Variants in CHST15 observed in about 807,000 individuals in gnomAD.
CHST15 encodes carbohydrate sulfotransferase 15, also known as B cell RAG associated protein (GALNAC4S-6ST).
A neutral mutation model predicts 53.6 loss-of-function variants in CHST15; 30 were observed. The ratio of observed to expected loss-of-function variants is 0.56; its 90% CI spans 0.42 to 0.76. The LOEUF (loss-of-function observed/expected upper bound fraction) is 0.76, where lower values mean the gene tolerates loss of function less well. CHST15 is among the 30% of genes least tolerant of loss of function. The probability of loss-of-function intolerance (pLI) is 0.00; values close to 1 mark genes in which losing one functional copy is unlikely to be tolerated. For missense variants in CHST15, 627 were observed against 740.5 expected, an observed-to-expected ratio of 0.85 and a Z score of 1.78; for synonymous variants, 296 against 289.8, an observed-to-expected ratio of 1.02 and a Z score of -0.22.
intron 5 of CHST15, among the ~76,000 whole-genome samples, chr10:124,027,155 G>T (rs1022195091): frequency 2.0e-5 from 3 of 152,214 alleles, no homozygotes; most frequent in African/African-American, 7.2e-5. Context: ...CTGTGCTGCG[G>T]TTATTTTAGA....
At position 124,019,767 on chromosome 10, in the gene CHST15, C is replaced by G. The variant is rs1162082924; in HGVS notation, c.1347+1489G>C. ...CTTAAAACCCTCTGAGGGGTCCCATCTCTCTCAGGGTGATGTCTAGACTTC... is the reference window on the plus strand; with the variant it reads ...CTTAAAACCCTCTGAGGGGTCCCATGTCTCTCAGGGTGATGTCTAGACTTC... On this transcript the variant is annotated intron_variant, in intron 6 of 7. Transcript: ENST00000435907. The surrounding 1 kb of genome is among the most constrained non-coding windows in gnomAD (Gnocchi z 4.6). The G allele has an allele frequency of 1.0e-6, 1 of 985,096 alleles. No homozygotes were observed. The highest frequency in any genetic ancestry group is 1.2e-6 in the Non-Finnish European group (1 of 829,690). The allele number at this position is 985,096 out of a possible 1,614,324, so 61.0% of individuals were successfully genotyped here. A position where few individuals can be genotyped will look rare whatever the true frequency, so the allele number is the denominator to read the frequency against.
chr10:124,038,724 G>A, intron 4 of CHST15, 53 bp from the exon 5 acceptor site: 1 of 1,593,830 alleles, frequency 6.3e-7, no homozygotes, highest in Non-Finnish European at 8.6e-7. Context: ...GGCTCCCACG[G>A]AGTGGCTCTA....
chr10:124,052,790 C>T (rs933117262), intron 1 of CHST15, among the ~76,000 whole-genome samples: 2 of 152,184 alleles, frequency 1.3e-5, no homozygotes, highest in African/African-American at 4.8e-5. Context: ...AATCCTAGCA[C>T]TTTGGGAGTC....
chr10:124,046,257 GGGC>G lies in CHST15; in HGVS notation c.-48_-46del, dbSNP rs762287409. The G allele has an allele frequency of 6.5e-7, 1 of 1,531,064 alleles. No homozygotes were observed. The highest frequency in any genetic ancestry group is 8.8e-7 in the Non-Finnish European group (1 of 1,138,414). The allele number at this position is 1,531,064 out of a possible 1,614,324, so 94.8% of individuals were successfully genotyped here. A position where few individuals can be genotyped will look rare whatever the true frequency, so the allele number is the denominator to read the frequency against. ...GCTGCTGGCTTACCGAGCCATGGGTGGGCCCCCCACGAGTCTGGATGTCCGCAA... is the reference window on the plus strand; with the variant it reads ...GCTGCTGGCTTACCGAGCCATGGGTGCCCCCACGAGTCTGGATGTCCGCAA... On this transcript the variant is annotated 5_prime_UTR_variant, in exon 2 of 8. Coordinates refer to ENST00000435907, the MANE Select transcript of CHST15 (RefSeq NM_001270764.2).
chr10:124,056,972 G>C (rs894423012), intron 1 of CHST15, among the ~76,000 whole-genome samples: 3 of 151,552 alleles, frequency 2.0e-5, no homozygotes, highest in African/African-American at 7.3e-5. Flanking sequence ...GACACACTTT[G>C]ACCCAGGCCT....
Position 124,010,202 on chromosome 10 carries a change from C to T in CHST15, c.1633G>A (p.Ala545Thr), listed in dbSNP as rs780855747. ...ILRDFYRPFN[A>T]RLAQVLADEA... ...TCCGCGAGGACCTGCGCCAGCCTAG[C>T]GTTGAAGGGCCTGTAGAAATCCCGC... The change falls in exon 8 of 8, where the codon GCT (alanine) becomes ACT (threonine). Residue 545 changes from alanine to threonine, a missense_variant. Ala to Thr is a moderately conservative substitution (Grantham distance 58). Coordinates refer to ENST00000435907, the MANE Select transcript of CHST15 (RefSeq NM_001270764.2). 9 of 1,614,000 alleles carry T rather than the reference C, an allele frequency of 5.6e-6. No homozygotes were observed. The highest frequency in any genetic ancestry group is 1.7e-5 in the Admixed American group (1 of 60,036).
intron 1 of CHST15, among the ~76,000 whole-genome samples, chr10:124,051,513 C>A (rs1359823318): frequency 6.6e-6 from 1 of 152,164 alleles, no homozygotes; most frequent in African/African-American, 2.4e-5. Flanking sequence ...CTTCACCTGT[C>A]TGGAATGTCC....
intron 5 of CHST15, among the ~76,000 whole-genome samples, chr10:124,034,214 G>A (rs1488873406): frequency 6.6e-6 from 1 of 152,212 alleles, no homozygotes; most frequent in Admixed American, 6.5e-5. Flanking sequence ...ATTTCTGTTA[G>A]GCTGAGGACC....
intron 4 of CHST15, among the ~76,000 whole-genome samples, chr10:124,041,813 C>G (rs1162203582): frequency 6.6e-6 from 1 of 152,180 alleles, no homozygotes; most frequent in African/African-American, 2.4e-5. Flanking sequence ...GCTTTTTAAA[C>G]AGCAATTAGT....
chr10:124,016,124 C>T (rs28374740), intron 6 of CHST15, among the ~76,000 whole-genome samples: 5,450 of 152,194 alleles, frequency 0.036, 301 homozygotes, highest in East Asian at 0.26. Context: ...GAGGCAGGCT[C>T]ACTGGCCCCT....
At chr10:124,082,021 G>A (rs1405848604) in intron 1 of CHST15, among the ~76,000 whole-genome samples, 1 of 152,154 alleles carries the variant, frequency 6.6e-6, no homozygotes. Context: ...AGATGCTGGC[G>A]CCACAAGGTG....
intron 5 of CHST15, among the ~76,000 whole-genome samples, chr10:124,034,847 C>T (rs530991067): frequency 1.4e-5 from 2 of 143,634 alleles, no homozygotes; most frequent in African/African-American, 2.6e-5. Context: ...CCTGGTTCTA[C>T]CCCTAACAGG....
chr10:124,065,376 G>A (rs575752705), intron 1 of CHST15, among the ~76,000 whole-genome samples: 5 of 152,270 alleles, frequency 3.3e-5, no homozygotes, highest in South Asian at 2.1e-4. Flanking sequence ...GAGCAAGACC[G>A]TATCTCAAAA....
chr10:124,046,323 A>G lies in CHST15; in HGVS notation c.-111T>C, dbSNP rs187765119. On this transcript the variant is annotated 5_prime_UTR_variant, in exon 2 of 8. Coordinates refer to ENST00000435907, the MANE Select transcript of CHST15 (RefSeq NM_001270764.2). ...AACCTTAAGAATGCCTTGTGATCAC[A>G]GAAGATGGATGGAAAGCACAAATAC... The G allele has an allele frequency of 1.1e-4, 104 of 990,160 alleles. No homozygotes were observed. In the East Asian group the frequency reaches 2.5e-3, roughly 24 times the overall value. 61.3% of individuals were successfully genotyped at this position (990,160 alleles called of 1,614,324 possible). A position where few individuals can be genotyped will look rare whatever the true frequency, so the allele number is the denominator to read the frequency against.
chr10:124,056,968 C>T (rs1488654328), intron 1 of CHST15, among the ~76,000 whole-genome samples: 1 of 151,844 alleles, frequency 6.6e-6, no homozygotes, highest in Non-Finnish European at 1.5e-5. Context: ...ACCGGACACA[C>T]TTTGACCCAG....
At position 124,044,748 on chromosome 10, in the gene CHST15, G is replaced by C. The variant is rs373338090; in HGVS notation, c.718C>G (p.Leu240Val). Residue 240 changes from leucine to valine, a missense_variant, in exon 3 of 8, where the codon CTG (leucine) becomes GTG (valine). Physicochemically the swap from Leu to Val is conservative, Grantham distance 32. Around this residue, in one of 3 missense-constraint regions of CHST15, gnomAD observed 161 missense variants for 117.2 expected, o/e 1.37. Transcript: ENST00000435907. ...DALRKAFWGH[L>V]AHAHGKHFRL... The stretch of plus-strand genomic sequence containing the variant: ...AAGTGCTTCCCGTGCGCGTGCGCCA[G>C]GTGGCCCCAGAAGGCCTTGCGCAGG... The C allele has an allele frequency of 5.6e-5, 91 of 1,613,200 alleles. No homozygotes were observed. The highest frequency in any genetic ancestry group is 7.3e-5 in the Non-Finnish European group (86 of 1,179,720).
At chr10:124,086,655 T>TTCCTCCTCC (rs142757457) in intron 1 of CHST15, among the ~76,000 whole-genome samples, 11 of 149,360 alleles carry the variant, frequency 7.4e-5, no homozygotes, top group African/African-American at 2.5e-4. Context: ...TCCACCTGCC[T>TTCCTCCTCC]TCCTCCTCCT....
intron 1 of CHST15, among the ~76,000 whole-genome samples, chr10:124,047,553 C>A (rs1948045885): frequency 1.3e-5 from 2 of 152,262 alleles, no homozygotes; most frequent in South Asian, 4.1e-4. Flanking sequence ...CATGGATAAG[C>A]ATAAAAGGAG....
At chr10:124,061,836 A>G (rs1471801256) in intron 1 of CHST15, among the ~76,000 whole-genome samples, 1 of 152,068 alleles carries the variant, frequency 6.6e-6, no homozygotes, top group Non-Finnish European at 1.5e-5. Context: ...TCGTCAGATC[A>G]GGTGAAATAG....
Sources: allele counts gnomAD v4.1 joint callset (sites outside exome capture counted in the v4.1 genomes callset), GRCh38; gene constraint gnomAD v4.1.1; regional missense constraint gnomAD v4.1.1; non-coding constraint Gnocchi (gnomAD v3.1); transcripts MANE v1.5; gene names NCBI Gene and HGNC (gene_info 2026-07-23, HGNC 2026-07-21).